The following PRR16 variants were observed in gnomAD, a reference collection of about 807,000 sequenced individuals.
PRR16 encodes the protein proline rich 16, also known as protein Largen.
A neutral mutation model predicts 18.2 loss-of-function variants in PRR16; 6 were observed. That is an observed-to-expected ratio of 0.33 (90% CI 0.18 to 0.65). PRR16 has a LOEUF of 0.65. Among genes scored for constraint, PRR16 ranks in the 30% least tolerant of loss-of-function variants. PRR16 has a pLI of 0.74. For missense variants in PRR16, 412 were observed against 376.6 expected (o/e 1.09, Z -0.78); for synonymous variants, 151 against 147.8 (o/e 1.02, Z -0.16).
the PRR16 span, among the ~76,000 whole-genome samples, chr5:120,752,931 T>G: frequency 6.6e-6 from 1 of 151,696 alleles, no homozygotes; most frequent in African/African-American, 2.4e-5. Context: ...AATGTAAGAC[T>G]TTTTCATCTC....
Position 120,528,717 on chromosome 5 carries a change from A to G in PRR16, c.159+64072A>G, listed in dbSNP as rs373726256. On this transcript the variant is annotated intron_variant, in intron 1 of 1. Transcript: ENST00000407149. ...TTATGGAAAGTTCAGTCTGAGCATG[A>G]TGCAAGACCATGTTTTACTCCTGAA... 2.6e-5 allele frequency among the ~76,000 whole-genome samples: 4 copies of G among 152,134 alleles called. No individual in the cohort carries two copies. In the East Asian group the frequency reaches 5.8e-4, roughly 22 times the overall value.
the PRR16 span, among the ~76,000 whole-genome samples, chr5:120,727,789 T>A: frequency 1.3e-5 from 2 of 152,074 alleles, no homozygotes; most frequent in Non-Finnish European, 2.9e-5. Flanking sequence ...AACATATTCA[T>A]GTTAAAATAT....
At chr5:120,693,713 G>GAA in the PRR16 span, among the ~76,000 whole-genome samples, 5 of 152,084 alleles carry the variant, frequency 3.3e-5, no homozygotes, top group Admixed American at 6.5e-5. Context: ...TATTTGCATG[G>GAA]GATAAAAGCT....
At chr5:120,509,018 A>G (rs1422402472) in intron 1 of PRR16, among the ~76,000 whole-genome samples, 2 of 152,230 alleles carry the variant, frequency 1.3e-5, no homozygotes, top group Non-Finnish European at 2.9e-5. Context: ...GAAGTTGAAA[A>G]TATACACTGA....
chr5:120,585,278 T>A (rs1447848564), intron 1 of PRR16, among the ~76,000 whole-genome samples: 1 of 152,124 alleles, frequency 6.6e-6, no homozygotes, highest in Non-Finnish European at 1.5e-5. Context: ...CTGAGCTGAT[T>A]TGAAGAATGA....
chr5:120,479,019 C>T (rs755763756), intron 1 of PRR16, among the ~76,000 whole-genome samples: 12 of 151,784 alleles, frequency 7.9e-5, no homozygotes, highest in Non-Finnish European at 1.2e-4. Context: ...TTTAAAACAC[C>T]GAGAAATTAG....
chr5:120,618,642 T>A, intron 1 of PRR16: 2 of 745,054 alleles, frequency 2.7e-6, no homozygotes, highest in Non-Finnish European at 3.3e-6. Flanking sequence ...AAATTGTTGA[T>A]TATCTCAGGA....
chr5:120,735,617 G>A, the PRR16 span, among the ~76,000 whole-genome samples: 2 of 151,900 alleles, frequency 1.3e-5, no homozygotes, highest in African/African-American at 2.4e-5. Flanking sequence ...GCATATCTTT[G>A]GAGAAATGAC....
intron 1 of PRR16, among the ~76,000 whole-genome samples, chr5:120,514,474 C>T (rs1247395253): frequency 6.6e-6 from 1 of 152,158 alleles, no homozygotes; most frequent in Non-Finnish European, 1.5e-5. Context: ...TTATAAATCC[C>T]ATCTTTAAAT....
chr5:120,665,371 G>A (rs2150141514), intron 1 of PRR16, among the ~76,000 whole-genome samples: 1 of 152,086 alleles, frequency 6.6e-6, no homozygotes, highest in Non-Finnish European at 1.5e-5. Context: ...TTTGTCAGAT[G>A]AGTAGGTTGT....
At chr5:120,530,891 A>T (rs1751529427) in intron 1 of PRR16, among the ~76,000 whole-genome samples, 1 of 152,222 alleles carries the variant, frequency 6.6e-6, no homozygotes, top group Non-Finnish European at 1.5e-5. Context: ...AGGATTTAGC[A>T]TGAGGCTTTA....
At chr5:120,490,957 G>A (rs1453711045) in intron 1 of PRR16, among the ~76,000 whole-genome samples, 1 of 152,206 alleles carries the variant, frequency 6.6e-6, no homozygotes, top group African/African-American at 2.4e-5. Context: ...AGCGGAGGCT[G>A]CACAACAGCG....
the PRR16 span, among the ~76,000 whole-genome samples, chr5:120,769,047 C>T: frequency 2.0e-5 from 3 of 151,588 alleles, no homozygotes; most frequent in Non-Finnish European, 4.4e-5. Flanking sequence ...TAAAATACTT[C>T]TCAGTGTCCT....
At chr5:120,489,361 G>T (rs1749937131) in intron 1 of PRR16, among the ~76,000 whole-genome samples, 1 of 152,144 alleles carries the variant, frequency 6.6e-6, no homozygotes, top group Non-Finnish European at 1.5e-5. Context: ...ATATATTTAG[G>T]ATAGTTAGCT....
chr5:120,740,210 C>T, the PRR16 span, among the ~76,000 whole-genome samples: 1 of 152,120 alleles, frequency 6.6e-6, no homozygotes, highest in Non-Finnish European at 1.5e-5. Context: ...TGGTTCATTT[C>T]TCTTCTCTTC....
intron 1 of PRR16, among the ~76,000 whole-genome samples, chr5:120,496,994 A>G (rs1435602092): frequency 1.3e-5 from 2 of 152,038 alleles, no homozygotes; most frequent in African/African-American, 4.8e-5. Context: ...TATAGTTTCC[A>G]CCAGTTTAGA....
At chr5:120,469,012 A>G (rs1243855822) in intron 1 of PRR16, among the ~76,000 whole-genome samples, 1 of 152,220 alleles carries the variant, frequency 6.6e-6, no homozygotes, top group Non-Finnish European at 1.5e-5. Flanking sequence ...GGTGAGAAGT[A>G]TGTCAGCATT....
At chr5:120,672,986 A>T (rs1756667621) in intron 1 of PRR16, among the ~76,000 whole-genome samples, 1 of 152,214 alleles carries the variant, frequency 6.6e-6, no homozygotes, top group South Asian at 2.1e-4. Context: ...CACACTTTAC[A>T]GGAAGCCTCA....
chr5:120,716,825 T>C, the PRR16 span, among the ~76,000 whole-genome samples: 8 of 152,046 alleles, frequency 5.3e-5, no homozygotes, highest in African/African-American at 1.9e-4. Flanking sequence ...TGAGCTGAGA[T>C]TGCATCACTG....
Sources: allele counts gnomAD v4.1 joint callset (sites outside exome capture counted in the v4.1 genomes callset), GRCh38; gene constraint gnomAD v4.1.1; transcripts MANE v1.5; gene names NCBI Gene and HGNC (gene_info 2026-07-23, HGNC 2026-07-21).